Variants in ATF7IP observed in about 807,000 individuals in gnomAD.
The protein encoded by ATF7IP is activating transcription factor 7 interacting protein, also known as activating transcription factor 7-interacting protein 1.
ATF7IP carries 23 observed loss-of-function variants against 106.4 expected under a neutral mutation model. That is an observed-to-expected ratio of 0.22 (90% CI 0.16 to 0.31). The LOEUF (loss-of-function observed/expected upper bound fraction) is 0.31. Among genes scored for constraint, ATF7IP ranks in the 10% least tolerant of loss-of-function variants. The pLI is 1.00. For synonymous variants in ATF7IP, 542 were observed against 539.0 expected (o/e 1.01, Z -0.08); for missense variants, 1,334 against 1,524.3 (o/e 0.88, Z 2.08).
intron 1 of ATF7IP, among the ~76,000 whole-genome samples, chr12:14,421,544 G>A (rs1316772983): frequency 6.6e-6 from 1 of 152,176 alleles, no homozygotes; most frequent in Non-Finnish European, 1.5e-5. Context: ...CAGTGTGCAT[G>A]TCTGTCTGTG....
intron 3 of ATF7IP, among the ~76,000 whole-genome samples, chr12:14,435,779 T>C (rs1942375446): frequency 2.0e-5 from 3 of 152,344 alleles, no homozygotes; most frequent in Middle Eastern, 6.8e-3. Flanking sequence ...CTGTGACATT[T>C]AGTTACAGGA....
At position 14,424,709 on chromosome 12, in the gene ATF7IP, C is replaced by G. The variant is rs747122378; in HGVS notation, c.794C>G (p.Ala265Gly). The G allele has an allele frequency of 1.2e-6, 2 of 1,614,144 alleles. No homozygotes were observed. The highest frequency in any genetic ancestry group is 2.2e-5 in the South Asian group (2 of 91,086). Reference protein sequence around the residue: ...ASGDLSSSELASDDLATGELA... With the variant: ...ASGDLSSSELGSDDLATGELA... ...GGTGATCTATCCTCTAGTGAACTGGCCTCTGATGATCTGGCCACTGGTGAA... is the reference window on the plus strand; with the variant it reads ...GGTGATCTATCCTCTAGTGAACTGGGCTCTGATGATCTGGCCACTGGTGAA... Residue 265 changes from alanine to glycine, a missense_variant, in exon 2 of 15, where the codon GCC becomes GGC. Ala to Gly is a moderately conservative substitution (Grantham distance 60). Coordinates refer to ENST00000261168, the MANE Select transcript of ATF7IP (RefSeq NM_018179.5).
chr12:14,399,770 C>T (rs1010060044), intron 1 of ATF7IP, among the ~76,000 whole-genome samples: 2 of 152,092 alleles, frequency 1.3e-5, no homozygotes, highest in African/African-American at 4.8e-5. Context: ...TGTTTATTCT[C>T]CTACTAATTA....
chr12:14,481,709 C>T (rs1040219516), intron 13 of ATF7IP: 6 of 355,506 alleles, frequency 1.7e-5, no homozygotes, highest in Non-Finnish European at 3.3e-5. Flanking sequence ...GTATAGTACA[C>T]AATTTGATAT....
At chr12:14,402,978 A>G (rs1407579656) in intron 1 of ATF7IP, among the ~76,000 whole-genome samples, 1 of 152,088 alleles carries the variant, frequency 6.6e-6, no homozygotes, top group East Asian at 1.9e-4. Flanking sequence ...CGTATTGGAT[A>G]TAGTATGCAT....
intron 11 of ATF7IP, among the ~76,000 whole-genome samples, chr12:14,477,099 G>A (rs1565545942): frequency 6.6e-6 from 1 of 152,056 alleles, no homozygotes. Context: ...CTATAAAACT[G>A]GTGATTATTG....
At chr12:14,433,413 G>T (rs908652756) in intron 2 of ATF7IP, among the ~76,000 whole-genome samples, 3 of 152,176 alleles carry the variant, frequency 2.0e-5, no homozygotes, top group Non-Finnish European at 2.9e-5. Flanking sequence ...GCTGAGGCAG[G>T]AGAATTGCTT....
chr12:14,494,347 A>G (rs1213701250), intron 13 of ATF7IP, among the ~76,000 whole-genome samples: 22 of 116,282 alleles, frequency 1.9e-4, no homozygotes, highest in Admixed American at 2.7e-4. Flanking sequence ...GTGTGTGTAT[A>G]TGTATATATA....
chr12:14,422,872 T>G (rs1449408078), intron 1 of ATF7IP, among the ~76,000 whole-genome samples: 1 of 152,102 alleles, frequency 6.6e-6, no homozygotes, highest in Non-Finnish European at 1.5e-5. Context: ...TGTGTACAAG[T>G]TTTTGTGTGG....
At chr12:14,410,755 G>C (rs566481456) in intron 1 of ATF7IP, among the ~76,000 whole-genome samples, 1 of 151,886 alleles carries the variant, frequency 6.6e-6, no homozygotes, top group Non-Finnish European at 1.5e-5. Context: ...ATGTATGTAT[G>C]TATGTATGTA....
At chr12:14,447,831 C>CT (rs1005117861) in intron 6 of ATF7IP, among the ~76,000 whole-genome samples, 1 of 152,118 alleles carries the variant, frequency 6.6e-6, no homozygotes, top group Non-Finnish European at 1.5e-5. Flanking sequence ...GATTAAGTCA[C>CT]TTTATTGACT....
At chr12:14,481,208 G>A (rs2136812753) in intron 13 of ATF7IP, 23 bp downstream of exon 13, 1 of 1,611,066 alleles carries the variant, frequency 6.2e-7, no homozygotes, top group South Asian at 1.1e-5. Context: ...TCTTGTATAT[G>A]GCCCCAAGAT....
At chr12:14,388,632 C>T (rs1211701010) in intron 1 of ATF7IP, among the ~76,000 whole-genome samples, 7 of 152,094 alleles carry the variant, frequency 4.6e-5, no homozygotes, top group African/African-American at 1.7e-4. Context: ...TAGGCATGAG[C>T]CACTGCGCCC....
intron 7 of ATF7IP, 82 bp from the exon 8 acceptor site, chr12:14,457,125 G>GAAATA: frequency 8.4e-7 from 1 of 1,194,252 alleles, no homozygotes; most frequent in Non-Finnish European, 1.2e-6. Context: ...TTCCCCTGTG[G>GAAATA]GCCACTGCTT....
chr12:14,481,567 G>A, intron 13 of ATF7IP: 1 of 417,048 alleles, frequency 2.4e-6, no homozygotes, highest in Non-Finnish European at 4.6e-6. Flanking sequence ...AGAAATGGCA[G>A]TATAACCAAA....
chr12:14,424,646 C>T lies in ATF7IP; in HGVS notation c.731C>T (p.Pro244Leu), dbSNP rs1268933577. Residue 244 changes from proline to leucine, a missense_variant, in exon 2 of 15, where the codon CCA (proline) becomes CTA (leucine). This residue lies in a region of ATF7IP where 438 missense variants were observed against 405.3 expected (regional missense o/e 1.08). Transcript: ENST00000261168. ...TCTGTTGATCTGGCTTCTGGAGCAC[C>T]AGCTTCCACTGATCCAGCCTCTGAT... ...ITSVDLASGA[P>L]ASTDPASDDL... The T allele has an allele frequency of 6.2e-7, 1 of 1,613,950 alleles. No individual in the cohort carries two copies. Among genetic ancestry groups the T allele is most frequent in the South Asian group, 1.1e-5 (1 of 91,074 alleles).
intron 1 of ATF7IP, among the ~76,000 whole-genome samples, chr12:14,408,764 G>C (rs1940745958): frequency 6.6e-6 from 1 of 152,086 alleles, no homozygotes; most frequent in South Asian, 2.1e-4. Flanking sequence ...ATTACTTTTT[G>C]TATGTAAACA....
chr12:14,390,016 G>C (rs999606496), intron 1 of ATF7IP, among the ~76,000 whole-genome samples: 2 of 152,202 alleles, frequency 1.3e-5, no homozygotes, highest in Non-Finnish European at 2.9e-5. Flanking sequence ...ATTTTTGCTT[G>C]AGGATAGCAA....
chr12:14,475,164 A>G (rs971640584), intron 10 of ATF7IP, among the ~76,000 whole-genome samples: 1 of 152,196 alleles, frequency 6.6e-6, no homozygotes, highest in Non-Finnish European at 1.5e-5. Context: ...GGTGTTAAGC[A>G]CCTTATATAC....
Sources: allele counts gnomAD v4.1 joint callset (sites outside exome capture counted in the v4.1 genomes callset), GRCh38; gene constraint gnomAD v4.1.1; regional missense constraint gnomAD v4.1.1; transcripts MANE v1.5; gene names NCBI Gene and HGNC (gene_info 2026-07-23, HGNC 2026-07-21).